The following TNIK variants were observed in gnomAD, a reference collection of about 807,000 sequenced individuals.
TNIK encodes the protein TRAF2 and NCK-interacting protein kinase.
In TNIK, 49 loss-of-function variants were observed where a neutral mutation model predicts 191.3. That is an observed-to-expected ratio of 0.26 (90% confidence interval 0.20 to 0.32). The LOEUF (loss-of-function observed/expected upper bound fraction) is 0.32. Ranked by LOEUF, TNIK falls within the 10% of genes least tolerant of loss-of-function variation. The pLI is 1.00. For missense variants in TNIK, 1,155 were observed against 1,702.3 expected (o/e 0.68, Z 5.66); for synonymous variants, 594 against 600.9 (o/e 0.99, Z 0.17).
At chr3:171,349,026 G>GAA (rs35412267) in intron 2 of TNIK, among the ~76,000 whole-genome samples, 28 of 146,970 alleles carry the variant, frequency 1.9e-4, no homozygotes, top group South Asian at 4.3e-4. Context: ...GATGAACTTG[G>GAA]AAAAAAAAAA....
At chr3:171,351,255 A>G (rs548104653) in intron 2 of TNIK, among the ~76,000 whole-genome samples, 3 of 79,806 alleles carry the variant, frequency 3.8e-5, no homozygotes, top group Non-Finnish European at 6.0e-5. Flanking sequence ...GAGAAAATAT[A>G]TATATATATG....
At chr3:171,125,649 G>A (rs1728358093) in intron 17 of TNIK, among the ~76,000 whole-genome samples, 1 of 152,150 alleles carries the variant, frequency 6.6e-6, no homozygotes, top group Non-Finnish European at 1.5e-5. Flanking sequence ...TGGAATACTT[G>A]GTGTTGAGAG....
chr3:171,118,439 T>G (rs1032015296), intron 18 of TNIK, among the ~76,000 whole-genome samples: 2 of 152,200 alleles, frequency 1.3e-5, no homozygotes, highest in Non-Finnish European at 2.9e-5. Context: ...AAAAAACTAC[T>G]TTAAAGTTCA....
chr3:171,219,031 TAATTATATTA>T (rs1232020844), intron 3 of TNIK, among the ~76,000 whole-genome samples: 2 of 93,892 alleles, frequency 2.1e-5, no homozygotes, highest in Admixed American at 2.6e-4. Flanking sequence ...ATTAGTGTAT[TAATTATATTA>T]AATTATATTT....
chr3:171,424,515 T>A (rs1433026768), intron 1 of TNIK, among the ~76,000 whole-genome samples: 1 of 152,112 alleles, frequency 6.6e-6, no homozygotes, highest in Non-Finnish European at 1.5e-5. Flanking sequence ...AACATGCTGT[T>A]ATAAAGACAC....
At chr3:171,302,010 G>T (rs990447506) in intron 2 of TNIK, among the ~76,000 whole-genome samples, 6 of 152,148 alleles carry the variant, frequency 3.9e-5, no homozygotes, top group Admixed American at 2.0e-4. Flanking sequence ...TTGGCGAAAT[G>T]TTCACATTGT....
At chr3:171,361,367 C>G (rs994138328) in intron 2 of TNIK, among the ~76,000 whole-genome samples, 1 of 152,234 alleles carries the variant, frequency 6.6e-6, no homozygotes, top group African/African-American at 2.4e-5. Context: ...ACAGGTTCAA[C>G]TACCTAGTAG....
chr3:171,389,753 T>G (rs544911131), intron 1 of TNIK, among the ~76,000 whole-genome samples: 3 of 152,170 alleles, frequency 2.0e-5, no homozygotes, highest in Non-Finnish European at 4.4e-5. Flanking sequence ...CCTACCAGCA[T>G]GTACTTAGGG....
In TNIK at chr3:171,161,129, A is replaced by G. The variant is rs113894403; in HGVS notation, c.1016+141T>C. 86 of 692,590 alleles carry G rather than the reference A, an allele frequency of 1.2e-4. No individual in the cohort carries two copies. In the African/African-American group the frequency reaches 1.4e-3, roughly 12 times the overall value. The allele number at this position is 692,590 out of a possible 1,614,324, so 42.9% of individuals were successfully genotyped here. A position where few individuals can be genotyped will look rare whatever the true frequency, so the allele number is the denominator to read the frequency against. On this transcript the variant is annotated intron_variant, in intron 11 of 32. Transcript: ENST00000436636. ...CTAGGGAAATTTTCCCAAATTAATG[A>G]GTATGTTCATGGGCAATAAATTAAA...
chr3:171,306,016 T>C (rs554867971), intron 2 of TNIK, among the ~76,000 whole-genome samples: 2 of 152,256 alleles, frequency 1.3e-5, no homozygotes, highest in East Asian at 3.9e-4. Flanking sequence ...ATATATACCA[T>C]GGAATACTAT....
chr3:171,244,136 C>A (rs1223243981), intron 2 of TNIK, among the ~76,000 whole-genome samples: 1 of 150,874 alleles, frequency 6.6e-6, no homozygotes, highest in Non-Finnish European at 1.5e-5. Flanking sequence ...GCGATCTCGG[C>A]TCACTGCAAG....
At chr3:171,354,803 T>C (rs1056479470) in intron 2 of TNIK, among the ~76,000 whole-genome samples, 3 of 152,206 alleles carry the variant, frequency 2.0e-5, no homozygotes, top group African/African-American at 7.2e-5. Context: ...GGTAACACCA[T>C]GATGCATAGT....
At chr3:171,114,044 C>CTCTT in intron 18 of TNIK, among the ~76,000 whole-genome samples, 1 of 148,894 alleles carries the variant, frequency 6.7e-6, no homozygotes, top group African/African-American at 2.5e-5. Context: ...TTCTATAAAG[C>CTCTT]TCTTTCTTTG....
rs1408891964 is a variant in TNIK at position 171,159,649 on chromosome 3, A to T, written c.1016+1621T>A. ...GCTCCATTAATATTAATTGATATTGAATCAATGTCAGAAGATCTGAGCTGT... is the reference window on the plus strand; with the variant it reads ...GCTCCATTAATATTAATTGATATTGTATCAATGTCAGAAGATCTGAGCTGT... On this transcript the variant is annotated intron_variant, in intron 11 of 32. Coordinates refer to ENST00000436636, the MANE Select transcript of TNIK (RefSeq NM_015028.4). The surrounding 1 kb of genome is among the most constrained non-coding windows in gnomAD (Gnocchi z 4.1). Among the ~76,000 whole-genome samples the T allele has an allele frequency of 6.6e-6, 1 of 152,238 alleles. No individual in the cohort carries two copies. Among genetic ancestry groups the T allele is most frequent in the African/African-American group, 2.4e-5 (1 of 41,462 alleles).
intron 1 of TNIK, among the ~76,000 whole-genome samples, chr3:171,448,646 C>T (rs1727806776): frequency 6.7e-6 from 1 of 149,544 alleles, no homozygotes; most frequent in Admixed American, 6.7e-5. Flanking sequence ...TCCTGGGTCA[C>T]ATGGTAACTC....
chr3:171,216,419 C>G (rs1198210797), intron 3 of TNIK, among the ~76,000 whole-genome samples: 1 of 152,114 alleles, frequency 6.6e-6, no homozygotes. Flanking sequence ...ACTCTAATAT[C>G]TTATTAATTT....
intron 7 of TNIK, 58 bp downstream of exon 7, chr3:171,188,644 T>C (rs572323351): frequency 1.9e-6 from 3 of 1,596,900 alleles, no homozygotes; most frequent in Non-Finnish European, 2.6e-6. Context: ...TGTAAGACTT[T>C]ATAAGACTCA....
intron 23 of TNIK, among the ~76,000 whole-genome samples, chr3:171,093,566 T>A (rs1431127874): frequency 6.6e-6 from 1 of 152,182 alleles, no homozygotes; most frequent in African/African-American, 2.4e-5. Context: ...CAATTTTATA[T>A]CCTCAGGCCC....
chr3:171,377,912 T>A (rs1439733647), intron 1 of TNIK, among the ~76,000 whole-genome samples: 1 of 152,198 alleles, frequency 6.6e-6, no homozygotes, highest in African/African-American at 2.4e-5. Context: ...ATCCAGGTAT[T>A]TTGAATCCAA....
Sources: allele counts gnomAD v4.1 joint callset (sites outside exome capture counted in the v4.1 genomes callset), GRCh38; gene constraint gnomAD v4.1.1; non-coding constraint Gnocchi (gnomAD v3.1); transcripts MANE v1.5; gene names NCBI Gene and HGNC (gene_info 2026-07-23, HGNC 2026-07-21).